The following OGFOD2 variants were observed in gnomAD, a reference collection of about 807,000 sequenced individuals.
OGFOD2 encodes the protein 2-oxoglutarate and iron dependent oxygenase domain containing 2, also known as 2-oxoglutarate and iron-dependent oxygenase domain-containing protein 2.
A neutral mutation model predicts 31.1 loss-of-function variants in OGFOD2; 34 were observed. The observed-to-expected ratio is 1.09, with a 90% CI of 0.83 to 1.45. The LOEUF (loss-of-function observed/expected upper bound fraction) is 1.45, where lower values mean the gene tolerates loss of function less well. Ranked by LOEUF, OGFOD2 falls within the 40% of genes most tolerant of loss-of-function variation. The pLI, the probability that OGFOD2 is intolerant of heterozygous loss-of-function variation, is 0.00. For synonymous variants in OGFOD2, 240 were observed against 192.3 expected, an observed-to-expected ratio of 1.25 and a Z score of -2.05; for missense variants, 537 against 433.9, an observed-to-expected ratio of 1.24 and a Z score of -2.11.
chr12:122,980,038 C>G, exon 7 of OGFOD2: 1 of 506,786 alleles, frequency 2.0e-6, no homozygotes, highest in East Asian at 3.5e-5. Context: ...AAGTGCTTTG[C>G]AAGATCCCTT....
chr12:122,976,172 C>T (rs883562), intron 2 of OGFOD2: 10 of 595,066 alleles, frequency 1.7e-5, no homozygotes, highest in Non-Finnish European at 3.0e-5. Flanking sequence ...CTTGCCCAAG[C>T]TTTTACAGCA....
chr12:122,977,050 C>A, intron 4 of OGFOD2, 80 bp downstream of exon 4: 1 of 1,369,490 alleles, frequency 7.3e-7, no homozygotes, highest in East Asian at 2.4e-5. Flanking sequence ...TGGGGTCCCT[C>A]CAGCCACCAT....
At chr12:122,975,305 C>G (rs764094723) in exon 1 of OGFOD2, 7 of 701,920 alleles carry the variant, frequency 1.0e-5, no homozygotes, top group African/African-American at 3.5e-5. Flanking sequence ...GCTTCTGCAC[C>G]GATAACTTGT....
chr12:122,977,576 A>C (rs2037469501), intron 4 of OGFOD2: 3 of 181,056 alleles, frequency 1.7e-5, no homozygotes, highest in South Asian at 1.1e-4. Flanking sequence ...AGCAACAGTA[A>C]CCCCCTCTCT....
Position 122,975,273 on chromosome 12 carries a change from C to T in OGFOD2, c.22C>T (p.Arg8Trp), listed in dbSNP as rs532370472. Reference sequence around the variant, plus strand: ...CACTATGGCGACGGTGGGGGCTCCGCGGCACTTCTGCCGCTGCGCCTGCTT... The same window carrying T: ...CACTATGGCGACGGTGGGGGCTCCGTGGCACTTCTGCCGCTGCGCCTGCTT... The change falls in exon 1 of 7, where the codon CGG becomes TGG. Residue 8 changes from arginine to tryptophan, a missense_variant. Physicochemically the swap from Arg to Trp is moderately radical, Grantham distance 101. Transcript: ENST00000228922. 10 of 687,906 alleles carry T rather than the reference C, an allele frequency of 1.5e-5. No individual in the cohort carries two copies. In the African/African-American group the frequency reaches 1.8e-4, roughly 12 times the overall value. The allele number at this position is 687,906 out of a possible 1,614,324, so 42.6% of individuals were successfully genotyped here. A position where few individuals can be genotyped will look rare whatever the true frequency, so the allele number is the denominator to read the frequency against.
In OGFOD2 at chr12:122,979,215, C is replaced by T. The variant is rs367792120; in HGVS notation, c.922C>T (p.Arg308Ter). 1.7e-5 allele frequency: 28 copies of T among 1,612,298 alleles called. No individual in the cohort carries two copies. The highest frequency in any genetic ancestry group is 2.2e-5 in the Non-Finnish European group (26 of 1,179,982). ...GCGTTGGAACCTTGTCGTCTGGCTC[C>T]GAGCCTCTGCTGTGCGCAACAGCCT... The change falls in exon 7 of 7, where the codon CGA becomes TGA. Residue 308 changes from arginine to a stop codon, truncating the protein, a stop_gained. Transcript: ENST00000228922. LOFTEE classifies it high-confidence loss of function.
At chr12:122,975,756 G>A (rs1453200653) in intron 1 of OGFOD2, 55 bp from the exon 2 acceptor site, 1 of 681,120 alleles carries the variant, frequency 1.5e-6, no homozygotes, top group Non-Finnish European at 2.7e-6. Context: ...GGCTTAGAGA[G>A]TGAAGGGATT....
exon 7 of OGFOD2, chr12:122,979,167 G>T: frequency 6.2e-7 from 1 of 1,611,228 alleles, no homozygotes; most frequent in Non-Finnish European, 8.5e-7. Flanking sequence ...GCTGCATGGA[G>T]CCCGGCCCTT....
intron 2 of OGFOD2, chr12:122,976,204 A>G (rs1434998605): frequency 3.3e-6 from 2 of 609,306 alleles, no homozygotes; most frequent in Non-Finnish European, 5.9e-6. Context: ...GATCCCAGCC[A>G]CAGCTTCCAG....
exon 2 of OGFOD2, chr12:122,975,849 C>G (rs1251920075): frequency 2.8e-6 from 2 of 702,982 alleles, no homozygotes; most frequent in Non-Finnish European, 2.6e-6. Flanking sequence ...CCAAGGACTT[C>G]CAGCAGCTGT....
At chr12:122,975,423 G>A in intron 1 of OGFOD2, 40 bp downstream of exon 1, 1 of 663,880 alleles carries the variant, frequency 1.5e-6, no homozygotes, top group East Asian at 2.7e-5. Context: ...AGTGGGCAGA[G>A]AGGGGTAGTG....
intron 2 of OGFOD2, chr12:122,976,388 C>T (rs1415121543): frequency 6.2e-7 from 1 of 1,613,866 alleles, no homozygotes; most frequent in Non-Finnish European, 8.5e-7. Flanking sequence ...CCTGTGTGGG[C>T]CCAGATGGTT....
At chr12:122,975,949 A>G (rs1484992500) in intron 2 of OGFOD2, 82 bp downstream of exon 2, 15 of 682,016 alleles carry the variant, frequency 2.2e-5, no homozygotes, top group Admixed American at 1.8e-4. Context: ...GCCTAGCCTC[A>G]GTCCCTGATC....
chr12:122,976,701 A>G, exon 3 of OGFOD2: 2 of 1,613,782 alleles, frequency 1.2e-6, no homozygotes, highest in Non-Finnish European at 1.7e-6. Context: ...AGGAGTCAGC[A>G]GCTAGGAAAG....
chr12:122,978,174 C>T, intron 4 of OGFOD2: 1 of 344,252 alleles, frequency 2.9e-6, no homozygotes, highest in Non-Finnish European at 5.5e-6. Flanking sequence ...TACTTCCTTC[C>T]CCTCTCTGGG....
chr12:122,978,650 C>T (rs1349264661), intron 5 of OGFOD2, 81 bp downstream of exon 5: 1 of 1,588,472 alleles, frequency 6.3e-7, no homozygotes, highest in Non-Finnish European at 8.6e-7. Context: ...GATGGGCTGC[C>T]TGCCCGGGCT....
chr12:122,978,767 G>T (rs1261965980), exon 6 of OGFOD2: 2 of 1,609,194 alleles, frequency 1.2e-6, no homozygotes, highest in Non-Finnish European at 1.7e-6. Flanking sequence ...TGCTGCACGA[G>T]CTCGGGCTGG....
At chr12:122,976,296 C>T (rs1260777270) in intron 2 of OGFOD2, 1 of 1,380,094 alleles carries the variant, frequency 7.2e-7, no homozygotes, top group African/African-American at 1.4e-5. Flanking sequence ...CCTCCTTCCC[C>T]TGGAGTCAGT....
chr12:122,975,177 G>A (rs1406548228), upstream of OGFOD2: 12 of 495,596 alleles, frequency 2.4e-5, no homozygotes, highest in Non-Finnish European at 4.0e-5. Flanking sequence ...TTGGCCGCTG[G>A]TTCCGCGCCT....
Sources: gnomAD v4.1 joint callset for allele counts on GRCh38, gnomAD v4.1.1 for gene constraint, MANE v1.5 for transcripts, NCBI Gene and HGNC (gene_info 2026-07-23, HGNC 2026-07-21) for gene names.